The following DGCR2 variants were observed in gnomAD, a reference collection of about 807,000 sequenced individuals.
DGCR2 encodes DiGeorge syndrome critical region gene 2.
Under a neutral mutation model 51.6 loss-of-function variants are expected in DGCR2, and 24 were observed. The ratio of observed to expected loss-of-function variants is 0.47; its 90% CI spans 0.34 to 0.65. The LOEUF (loss-of-function observed/expected upper bound fraction) is 0.65, where lower values mean the gene tolerates loss of function less well. DGCR2 is among the 30% of genes least tolerant of loss of function. The pLI, the probability that DGCR2 is intolerant of heterozygous loss-of-function variation, is 0.01. For missense variants in DGCR2, 765 were observed against 772.1 expected (o/e 0.99, Z 0.11); for synonymous variants, 340 against 315.4 (o/e 1.08, Z -0.82).
rs2082400920 is a variant in DGCR2, at chr22:19,038,942, T to G, written c.1576A>C (p.Ser526Arg). The change falls in exon 10 of 10, where the codon AGC (serine) becomes CGC (arginine). Residue 526 changes from serine (S) to arginine (R), a missense_variant. Physicochemically the swap from Ser to Arg is moderately radical, Grantham distance 110. Coordinates refer to ENST00000263196, the MANE Select transcript of DGCR2 (RefSeq NM_005137.3). ...GCCTCTGCAGCTGGGGTGCTCCCGC[T>G]CTGGGCAGGGTCAGGGGGCACGAGC... is the stretch of plus-strand genomic sequence containing the variant. The part of the protein sequence containing the change: ...ALLVPPDPAQ[S>R]GSTPAAEALP... 1.9e-6 allele frequency: 3 copies of G among 1,612,432 alleles called. No individual in the cohort carries two copies. Among genetic ancestry groups the G allele is most frequent in the Non-Finnish European group, 2.5e-6 (3 of 1,179,810 alleles).
chr22:19,105,926 G>A (rs62221754), intron 1 of DGCR2, among the ~76,000 whole-genome samples: 13,489 of 151,878 alleles, frequency 0.089, 715 homozygotes, highest in Middle Eastern at 0.15. Context: ...TGGGGGTCCC[G>A]GCTCACCAGT....
intron 1 of DGCR2, among the ~76,000 whole-genome samples, chr22:19,111,401 T>C (rs542553961): frequency 1.3e-5 from 2 of 152,322 alleles, no homozygotes; most frequent in African/African-American, 4.8e-5. Context: ...CATACAGCTC[T>C]TTCATCAGCT....
chr22:19,093,968 T>C (rs1454589329), intron 1 of DGCR2, among the ~76,000 whole-genome samples: 1 of 151,792 alleles, frequency 6.6e-6, no homozygotes, highest in Non-Finnish European at 1.5e-5. Context: ...ATTGCAATGC[T>C]GCACTCCAGC....
Position 19,070,305 on chromosome 22 carries a change from C to T in DGCR2, c.203-2080G>A, listed in dbSNP as rs1394449113. On this transcript the variant is annotated intron_variant, in intron 2 of 9. Transcript: ENST00000263196. ...GAGAAAGAACAGAGGGGCTTTCTGG[C>T]AGATGGAGCAGCTTTGGCAAAGGGC... 2.0e-5 allele frequency among the ~76,000 whole-genome samples: 3 copies of T among 152,304 alleles called. No individual in the cohort carries two copies. The East Asian group carries it at 5.8e-4, about 29-fold the overall frequency.
intron 9 of DGCR2, 96 bp downstream of exon 9, chr22:19,040,962 G>A (rs1286208901): frequency 2.7e-6 from 3 of 1,100,848 alleles, no homozygotes; most frequent in Admixed American, 2.5e-5. Flanking sequence ...AAGAAGTGAG[G>A]TCCCTAGGCC....
chr22:19,081,382 T>A (rs2082934934), intron 2 of DGCR2, among the ~76,000 whole-genome samples: 1 of 152,248 alleles, frequency 6.6e-6, no homozygotes, highest in Non-Finnish European at 1.5e-5. Flanking sequence ...AACGATCTGT[T>A]TTGCTTCTCT....
At chr22:19,041,984 C>T (rs376166997) in intron 7 of DGCR2, 25 bp from the exon 8 acceptor site, 12 of 1,606,174 alleles carry the variant, frequency 7.5e-6, no homozygotes, top group Admixed American at 3.4e-5. Context: ...AGGAAATGGC[C>T]GCTCTGAGAA....
chr22:19,056,649 G>A, intron 6 of DGCR2: 2 of 394,136 alleles, frequency 5.1e-6, no homozygotes, highest in Non-Finnish European at 9.1e-6. Flanking sequence ...GTGGGGAGGT[G>A]ACAAACAGCC....
chr22:19,100,815 A>G (rs1016346567), intron 1 of DGCR2, among the ~76,000 whole-genome samples: 1 of 152,216 alleles, frequency 6.6e-6, no homozygotes, highest in Non-Finnish European at 1.5e-5. Context: ...ATTAAAACTG[A>G]GAAATTTGGC....
At chr22:19,056,645 A>G in intron 6 of DGCR2, 1 of 389,466 alleles carries the variant, frequency 2.6e-6, no homozygotes, top group Non-Finnish European at 4.6e-6. Flanking sequence ...GGGGGTGGGG[A>G]GGTGACAAAC....
At chr22:19,064,548 C>T (rs966871244) in intron 4 of DGCR2, among the ~76,000 whole-genome samples, 1 of 152,210 alleles carries the variant, frequency 6.6e-6, no homozygotes, top group Admixed American at 6.5e-5. Flanking sequence ...CACCCCCAGC[C>T]CCCTGCCTGC....
intron 1 of DGCR2, among the ~76,000 whole-genome samples, chr22:19,100,799 T>C (rs1051584600): frequency 6.6e-6 from 1 of 152,150 alleles, no homozygotes; most frequent in Non-Finnish European, 1.5e-5. Context: ...ATTTACTGTA[T>C]CAGAAATTAA....
intron 1 of DGCR2, among the ~76,000 whole-genome samples, chr22:19,111,116 T>C (rs1049723898): frequency 3.3e-5 from 5 of 152,168 alleles, no homozygotes; most frequent in African/African-American, 9.7e-5. Context: ...AGTCCGTCCA[T>C]ACAAAAGAAG....
intron 1 of DGCR2, among the ~76,000 whole-genome samples, chr22:19,096,032 G>A (rs2083136207): frequency 6.6e-6 from 1 of 152,178 alleles, no homozygotes; most frequent in South Asian, 2.1e-4. Context: ...TATTTGATGA[G>A]TAAATCAGCA....
chr22:19,068,691 G>A (rs981073773), intron 2 of DGCR2, among the ~76,000 whole-genome samples: 2 of 152,188 alleles, frequency 1.3e-5, no homozygotes, highest in African/African-American at 4.8e-5. Context: ...CCTGGGGCCT[G>A]AGCTGCCTAT....
intron 9 of DGCR2, 69 bp from the exon 10 acceptor site, chr22:19,039,190 G>A: frequency 1.9e-6 from 3 of 1,582,382 alleles, no homozygotes; most frequent in Non-Finnish European, 2.6e-6. Context: ...GGGGAGCTAG[G>A]CAAAACCAGG....
intron 2 of DGCR2, among the ~76,000 whole-genome samples, chr22:19,079,784 C>G (rs1331679792): frequency 6.6e-6 from 1 of 152,252 alleles, no homozygotes; most frequent in East Asian, 1.9e-4. Flanking sequence ...CACATTTAAC[C>G]ACGATATGAC....
chr22:19,114,507 T>C (rs1331194942), intron 1 of DGCR2, among the ~76,000 whole-genome samples: 2 of 152,224 alleles, frequency 1.3e-5, no homozygotes, highest in African/African-American at 4.8e-5. Flanking sequence ...AGCCTCTAAC[T>C]CTTCCAGGTC....
intron 2 of DGCR2, among the ~76,000 whole-genome samples, chr22:19,074,008 G>T (rs1601236514): frequency 6.6e-6 from 1 of 152,150 alleles, no homozygotes; most frequent in Non-Finnish European, 1.5e-5. Context: ...AAAGAACTCT[G>T]ACTGATAGAG....
Sources: gnomAD v4.1 joint callset for allele counts (sites outside exome capture counted in the v4.1 genomes callset) on GRCh38, gnomAD v4.1.1 for gene constraint, MANE v1.5 for transcripts, NCBI Gene and HGNC (gene_info 2026-07-23, HGNC 2026-07-21) for gene names.